PCDHA1: variants seen among roughly 807,000 people sequenced by gnomAD.
The protein encoded by PCDHA1 is protocadherin alpha 1, also known as protocadherin alpha-1.
PCDHA1 carries 42 observed loss-of-function variants against 61.3 expected under a neutral mutation model. The observed-to-expected ratio is 0.69, with a 90% confidence interval of 0.54 to 0.89. The LOEUF (loss-of-function observed/expected upper bound fraction) is 0.89. PCDHA1 is among the 40% of genes least tolerant of loss of function. The pLI is 0.00. For synonymous variants in PCDHA1, 610 were observed against 553.8 expected (o/e 1.10, Z -1.43); for missense variants, 1,256 against 1,235.3 (o/e 1.02, Z -0.25).
chr5:140,842,426 A>G (rs150855027), intron 1 of PCDHA1: 1 of 1,613,494 alleles, frequency 6.2e-7, no homozygotes, highest in African/African-American at 1.3e-5. Context: ...TGGTACTGTC[A>G]TCGCCCTAAT....
intron 1 of PCDHA1, among the ~76,000 whole-genome samples, chr5:140,959,554 A>G (rs1375729843): frequency 6.6e-6 from 1 of 152,210 alleles, no homozygotes; most frequent in Non-Finnish European, 1.5e-5. Context: ...TATAAATAGA[A>G]TCAGTACTAG....
At chr5:140,796,037 C>T (rs1762026076) in intron 1 of PCDHA1, 1 of 1,614,166 alleles carries the variant, frequency 6.2e-7, no homozygotes, top group African/African-American at 1.3e-5. Flanking sequence ...CTCTCACTTC[C>T]CATCTCAGAG....
chr5:140,938,500 T>C (rs1450018538), intron 1 of PCDHA1, among the ~76,000 whole-genome samples: 2 of 152,156 alleles, frequency 1.3e-5, no homozygotes, highest in Non-Finnish European at 2.9e-5. Context: ...AGGCATTGAA[T>C]TTATCACATA....
intron 1 of PCDHA1, chr5:140,870,599 G>A: frequency 6.2e-7 from 1 of 1,613,396 alleles, no homozygotes; most frequent in South Asian, 1.1e-5. Flanking sequence ...CGGCGGTTGG[G>A]CGACCGCGCG....
At chr5:140,802,480 G>C (rs1466401935) in intron 1 of PCDHA1, 4 of 1,614,188 alleles carry the variant, frequency 2.5e-6, no homozygotes, top group East Asian at 2.2e-5. Flanking sequence ...GTGACTGCTC[G>C]GGACGGGGGC....
intron 1 of PCDHA1, among the ~76,000 whole-genome samples, chr5:140,873,602 C>T (rs1554166789): frequency 6.6e-6 from 1 of 152,118 alleles, no homozygotes; most frequent in African/African-American, 2.4e-5. Flanking sequence ...TTAGATGTTC[C>T]TATTGGCTTA....
At chr5:140,813,295 A>G (rs1554126164) in intron 1 of PCDHA1, 1 of 152,192 alleles carries the variant, frequency 6.6e-6, no homozygotes, top group African/African-American at 2.4e-5. Flanking sequence ...TCATTCTGAG[A>G]TTTCATCACT....
rs2150113743 is a variant in PCDHA1, at chr5:140,822,110, C to T, written c.2394+33426C>T. 266 of 1,614,090 alleles carry T rather than the reference C, an allele frequency of 1.6e-4. No individual in the cohort carries two copies. Among genetic ancestry groups the T allele is most frequent in the Non-Finnish European group, 2.2e-4 (256 of 1,180,060 alleles). ...CACCTGGAGGTGATCGTGGACAGGC[C>T]GCTGCAGGTTTTCCATGTGGAGGTG... On this transcript the variant is annotated intron_variant, in intron 1 of 3. Coordinates refer to ENST00000504120, the MANE Select transcript of PCDHA1 (RefSeq NM_018900.4).
Position 140,858,511 on chromosome 5 carries a change from G to A in PCDHA1, c.2394+69827G>A. ...TCTCTTACCGCATTTTCTCAAATAT[G>A]TATCAGAATATTTCATTTTTGTCTA... On this transcript the variant is annotated intron_variant, in intron 1 of 3. Transcript: ENST00000504120. 5 of 1,433,712 alleles carry A rather than the reference G, an allele frequency of 3.5e-6. 1 individual carries two copies. The highest frequency in any genetic ancestry group is 4.8e-6 in the Non-Finnish European group (5 of 1,040,150). 88.8% of individuals were successfully genotyped at this position (1,433,712 alleles called of 1,614,324 possible).
At chr5:140,823,993 T>C in intron 1 of PCDHA1, 1 of 1,613,980 alleles carries the variant, frequency 6.2e-7, no homozygotes, top group Non-Finnish European at 8.5e-7. Context: ...CACTCTGTTG[T>C]GCTCCAGCGC....
chr5:140,870,726 G>A (rs782321328), intron 1 of PCDHA1: 15 of 1,613,118 alleles, frequency 9.3e-6, no homozygotes, highest in East Asian at 2.2e-5. Flanking sequence ...ATGCGGGCGT[G>A]CCGCCTCTGA....
intron 1 of PCDHA1, among the ~76,000 whole-genome samples, chr5:140,908,736 A>G (rs2074127705): frequency 6.6e-6 from 1 of 152,180 alleles, no homozygotes; most frequent in African/African-American, 2.4e-5. Flanking sequence ...GGCTCGAGAA[A>G]CAGAGCAACT....
At position 140,951,508 on chromosome 5, in the gene PCDHA1, G is replaced by A. The variant is rs536073969; in HGVS notation, c.2395-27441G>A. Among the ~76,000 whole-genome samples the A allele has an allele frequency of 3.9e-5, 6 of 152,080 alleles. No individual in the cohort carries two copies. The South Asian group carries it at 6.2e-4, about 16-fold the overall frequency. On this transcript the variant is annotated intron_variant, in intron 1 of 3. Coordinates refer to ENST00000504120, the MANE Select transcript of PCDHA1 (RefSeq NM_018900.4). ...TCATGGTGGAAGGCAAAAGGAAAGC[G>A]GCTCATCTTACATGGCCGGTGCAGG...
chr5:140,787,782 C>G lies in PCDHA1; in HGVS notation c.1492C>G (p.Arg498Gly). ...ALVSYSLVER[R>G]VGERALSNYV... Reference sequence around the variant, plus strand: ...GGTGTCCTATTCGCTGGTGGAACGGCGGGTGGGCGAGCGCGCGCTGTCGAA... The same window carrying G: ...GGTGTCCTATTCGCTGGTGGAACGGGGGGTGGGCGAGCGCGCGCTGTCGAA... Residue 498 changes from arginine to glycine, a missense_variant, in exon 1 of 4, where the codon CGG becomes GGG. By Grantham distance (125) the Arg-to-Gly change is moderately radical. Coordinates refer to ENST00000504120, the MANE Select transcript of PCDHA1 (RefSeq NM_018900.4). 1 of 1,612,810 alleles carries G rather than the reference C, an allele frequency of 6.2e-7. No individual in the cohort carries two copies. Among genetic ancestry groups the G allele is most frequent in the South Asian group, 1.1e-5 (1 of 91,018 alleles).
chr5:140,968,989 C>T, intron 1 of PCDHA1: 1 of 1,614,234 alleles, frequency 6.2e-7, no homozygotes, highest in Non-Finnish European at 8.5e-7. Flanking sequence ...GCACTGCATG[C>T]TGTGGAGGCT....
intron 1 of PCDHA1, chr5:140,966,970 G>A (rs1554228990): frequency 6.2e-7 from 1 of 1,602,870 alleles, no homozygotes; most frequent in Admixed American, 1.7e-5. Flanking sequence ...TGGGGCTTGA[G>A]CTGCGGCGCT....
At chr5:140,793,322 A>G (rs1761765552) in intron 1 of PCDHA1, among the ~76,000 whole-genome samples, 2 of 152,198 alleles carry the variant, frequency 1.3e-5, no homozygotes, top group Admixed American at 1.3e-4. Context: ...TTAATTACCC[A>G]TTTCCATGTA....
At chr5:140,868,592 C>T (rs1294333400) in intron 1 of PCDHA1, 1 of 152,974 alleles carries the variant, frequency 6.5e-6, no homozygotes, top group Non-Finnish European at 1.5e-5. Context: ...ATGTTTAACC[C>T]TAGTTTTTCA....
chr5:140,927,432 C>G lies in PCDHA1; in HGVS notation c.2395-51517C>G, dbSNP rs781874569. The G allele has an allele frequency of 6.8e-6, 11 of 1,614,124 alleles. No homozygotes were observed. The East Asian group carries it at 2.5e-4, about 36-fold the overall frequency. On this transcript the variant is annotated intron_variant, in intron 1 of 3. Transcript: ENST00000504120. Reference sequence around the variant, plus strand: ...ACATGGGATCGCGGGTTGACGGCAGCGAATACCCGGAGTTGGTGTTGGAGA... The same window carrying G: ...ACATGGGATCGCGGGTTGACGGCAGGGAATACCCGGAGTTGGTGTTGGAGA...
Sources: gnomAD v4.1 joint callset for allele counts (sites outside exome capture counted in the v4.1 genomes callset) on GRCh38, gnomAD v4.1.1 for gene constraint, MANE v1.5 for transcripts, NCBI Gene and HGNC (gene_info 2026-07-23, HGNC 2026-07-21) for gene names.